The following CNTNAP2 variants were observed in gnomAD, a reference collection of about 807,000 sequenced individuals.
CNTNAP2 encodes the protein contactin-associated protein-like 2.
A neutral mutation model predicts 155.2 loss-of-function variants in CNTNAP2; 98 were observed. The observed-to-expected ratio is 0.63, with a 90% CI of 0.54 to 0.75. The LOEUF is 0.75. Ranked by LOEUF, CNTNAP2 falls within the 30% of genes least tolerant of loss-of-function variation. The pLI, the probability that CNTNAP2 is intolerant of heterozygous loss-of-function variation, is 0.00. For synonymous variants in CNTNAP2, 651 were observed against 631.2 expected (o/e 1.03, Z -0.47); for missense variants, 1,727 against 1,688.1 (o/e 1.02, Z -0.40).
At chr7:148,086,150 T>C (rs575488859) in intron 15 of CNTNAP2, among the ~76,000 whole-genome samples, 48 of 152,300 alleles carry the variant, frequency 3.2e-4, no homozygotes, top group African/African-American at 1.0e-3. Flanking sequence ...CTTGGTGTGT[T>C]GAGGGGGATT....
At chr7:148,279,387 T>C (rs925691797) in intron 21 of CNTNAP2, among the ~76,000 whole-genome samples, 1 of 152,194 alleles carries the variant, frequency 6.6e-6, no homozygotes, top group Non-Finnish European at 1.5e-5. Flanking sequence ...TATTTGGTGA[T>C]CAACCGGATG....
chr7:146,951,057 T>C (rs1401955941), intron 3 of CNTNAP2, among the ~76,000 whole-genome samples: 1 of 152,194 alleles, frequency 6.6e-6, no homozygotes, highest in Non-Finnish European at 1.5e-5. Context: ...ATTATGAGCT[T>C]TTTTTCATAT....
At position 148,364,819 on chromosome 7, in the gene CNTNAP2, T is replaced by C. The variant is rs562178234; in HGVS notation, c.3476-18830T>C. 2.5e-3 allele frequency among the ~76,000 whole-genome samples: 379 copies of C among 152,332 alleles called. 6 individuals carry two copies. The highest frequency in any genetic ancestry group is 1.2e-3 in the Non-Finnish European group (85 of 68,034). ...CAGCATTGGCAACCCGCTCGGGTCC[T>C]CTTCCACACTTTGGAAGCTTTGTTC... On this transcript the variant is annotated intron_variant, in intron 21 of 23. Coordinates refer to ENST00000361727, the MANE Select transcript of CNTNAP2 (RefSeq NM_014141.6).
intron 10 of CNTNAP2, among the ~76,000 whole-genome samples, chr7:147,461,427 T>C (rs1467137328): frequency 6.8e-6 from 1 of 146,112 alleles, no homozygotes; most frequent in Non-Finnish European, 1.6e-5. Flanking sequence ...CCTATCCATT[T>C]TTCTGAAGGG....
At chr7:146,744,786 T>C (rs578150762) in intron 1 of CNTNAP2, among the ~76,000 whole-genome samples, 1 of 152,158 alleles carries the variant, frequency 6.6e-6, no homozygotes, top group Non-Finnish European at 1.5e-5. Context: ...GGATTTGATA[T>C]CAAGTGGCCT....
intron 1 of CNTNAP2, among the ~76,000 whole-genome samples, chr7:146,605,694 A>G (rs1358747952): frequency 6.6e-6 from 1 of 152,182 alleles, no homozygotes; most frequent in African/African-American, 2.4e-5. Context: ...CCACAAAAAG[A>G]AGATAGAATG....
intron 13 of CNTNAP2, among the ~76,000 whole-genome samples, chr7:147,697,579 C>T (rs548813974): frequency 7.2e-4 from 110 of 152,150 alleles, no homozygotes; most frequent in African/African-American, 2.5e-3. Flanking sequence ...TGTGGGGGAG[C>T]GGGGAAGCAT....
At chr7:148,164,779 T>C (rs1585161520) in intron 17 of CNTNAP2, among the ~76,000 whole-genome samples, 1 of 151,072 alleles carries the variant, frequency 6.6e-6, no homozygotes, top group Admixed American at 6.6e-5. Context: ...TGCCACCACA[T>C]CTGGCTAATT....
chr7:148,238,596 G>T (rs775176352), intron 20 of CNTNAP2, among the ~76,000 whole-genome samples: 4 of 152,164 alleles, frequency 2.6e-5, no homozygotes, highest in African/African-American at 9.7e-5. Context: ...TAAAAGCAAT[G>T]ACTTTATAGC....
At chr7:147,473,752 T>G (rs1326247628) in intron 10 of CNTNAP2, among the ~76,000 whole-genome samples, 2 of 152,232 alleles carry the variant, frequency 1.3e-5, no homozygotes, top group Non-Finnish European at 2.9e-5. Flanking sequence ...TCTACATTTC[T>G]GTGGTATCAG....
At chr7:148,238,288 G>T (rs1796082342) in intron 20 of CNTNAP2, among the ~76,000 whole-genome samples, 2 of 152,204 alleles carry the variant, frequency 1.3e-5, no homozygotes, top group Admixed American at 1.3e-4. Context: ...GGCAGAGGTT[G>T]CAGTGAGCTG....
At chr7:148,033,565 A>C (rs1261200068) in intron 15 of CNTNAP2, among the ~76,000 whole-genome samples, 1 of 152,210 alleles carries the variant, frequency 6.6e-6, no homozygotes, top group Non-Finnish European at 1.5e-5. Context: ...GAGTGAGAAC[A>C]TGCTTAATCC....
intron 1 of CNTNAP2, among the ~76,000 whole-genome samples, chr7:146,348,339 C>T (rs1335218256): frequency 3.9e-5 from 6 of 152,082 alleles, no homozygotes; most frequent in Admixed American, 1.3e-4. Context: ...GCAGGAGAAT[C>T]GCTTGAACCT....
At chr7:146,191,298 A>G (rs1216364334) in intron 1 of CNTNAP2, among the ~76,000 whole-genome samples, 2 of 152,160 alleles carry the variant, frequency 1.3e-5, no homozygotes, top group East Asian at 3.9e-4. Context: ...GCAAGTTTGT[A>G]TTAGTGATTT....
intron 13 of CNTNAP2, among the ~76,000 whole-genome samples, chr7:147,857,013 C>G (rs80019093): frequency 6.6e-6 from 1 of 152,074 alleles, no homozygotes; most frequent in Non-Finnish European, 1.5e-5. Flanking sequence ...GAGACAGAGG[C>G]TGGGACAAAG....
At chr7:147,563,041 G>A (rs1022285986) in intron 12 of CNTNAP2, among the ~76,000 whole-genome samples, 1 of 152,144 alleles carries the variant, frequency 6.6e-6, no homozygotes, top group Admixed American at 6.5e-5. Context: ...GAGTGTGACT[G>A]TTTACCATCT....
At chr7:146,134,763 A>T (rs550160535) in intron 1 of CNTNAP2, among the ~76,000 whole-genome samples, 1 of 151,988 alleles carries the variant, frequency 6.6e-6, no homozygotes, top group African/African-American at 2.4e-5. Flanking sequence ...GATGAAGCCC[A>T]CTTAATCATG....
chr7:146,842,008 G>A (rs958956442), intron 3 of CNTNAP2, among the ~76,000 whole-genome samples: 6 of 151,276 alleles, frequency 4.0e-5, no homozygotes, highest in African/African-American at 1.2e-4. Flanking sequence ...TCAGCCTCCC[G>A]AGTAGCTGGG....
chr7:147,883,978 T>C (rs931715400), intron 13 of CNTNAP2, among the ~76,000 whole-genome samples: 1 of 151,926 alleles, frequency 6.6e-6, no homozygotes, highest in African/African-American at 2.4e-5. Flanking sequence ...TAAATGCAAA[T>C]AGATAAATAA....
Sources: gnomAD v4.1 joint callset for allele counts (sites outside exome capture counted in the v4.1 genomes callset) on GRCh38, gnomAD v4.1.1 for gene constraint, MANE v1.5 for transcripts, NCBI Gene and HGNC (gene_info 2026-07-23, HGNC 2026-07-21) for gene names.